Variants in SP4 observed in about 807,000 individuals in gnomAD.
The protein encoded by SP4 is Sp4 transcription factor, also known as transcription factor Sp4.
A neutral mutation model predicts 72.8 loss-of-function variants in SP4; 19 were observed. That is an observed-to-expected ratio of 0.26 (90% CI 0.18 to 0.38). The LOEUF is 0.38. SP4 is among the 10% of genes least tolerant of loss of function. The pLI is 1.00. For synonymous variants in SP4, 395 were observed against 333.1 expected, an observed-to-expected ratio of 1.19 and a Z score of -2.02; for missense variants, 1,008 against 926.3, an observed-to-expected ratio of 1.09 and a Z score of -1.14.
chr7:21,449,564 T>A (rs1029980390), intron 3 of SP4, among the ~76,000 whole-genome samples: 1 of 152,244 alleles, frequency 6.6e-6, no homozygotes, highest in Non-Finnish European at 1.5e-5. Context: ...TACATATGTT[T>A]AAGTATACGT....
intron 5 of SP4, among the ~76,000 whole-genome samples, chr7:21,487,410 GT>G (rs200086841): frequency 3.5e-3 from 440 of 124,406 alleles, no homozygotes; most frequent in African/African-American, 6.5e-3. Context: ...AATCTCTAGG[GT>G]TTTTTTTTTT....
intron 5 of SP4, among the ~76,000 whole-genome samples, chr7:21,497,003 C>G (rs1781724743): frequency 6.6e-6 from 1 of 152,246 alleles, no homozygotes; most frequent in Non-Finnish European, 1.5e-5. Flanking sequence ...TAAAGCTCTT[C>G]TGAATCTCTT....
intron 3 of SP4, among the ~76,000 whole-genome samples, chr7:21,446,823 C>T (rs201648082): frequency 6.7e-6 from 1 of 148,396 alleles, no homozygotes; most frequent in Non-Finnish European, 1.5e-5. Flanking sequence ...TTGACAAATT[C>T]TTTTTTTTTT....
In SP4 at chr7:21,477,301, A is replaced by G. The variant is rs768644174; in HGVS notation, c.1901A>G (p.Glu634Gly). The G allele has an allele frequency of 1.2e-6, 2 of 1,604,460 alleles. No individual in the cohort carries two copies. Among genetic ancestry groups the G allele is most frequent in the Admixed American group, 1.7e-5 (1 of 59,768 alleles). Reference protein sequence around the residue: ...ACSCPNCREGEGRGSNEPGKK... With the variant: ...ACSCPNCREGGGRGSNEPGKK... ...TCCTGTCCTAATTGTAGGGAAGGAG[A>G]AGGAAGGTAAATGCTGTATTTTTCA... The change falls in exon 4 of 6, where the codon GAA becomes GGA. Residue 634 changes from glutamate (E) to glycine (G), a missense_variant. Physicochemically the swap from Glu to Gly is moderately conservative, Grantham distance 98. This residue lies in a region of SP4 where 893 missense variants were observed against 743.3 expected (regional missense o/e 1.20). Coordinates refer to ENST00000222584, the MANE Select transcript of SP4 (RefSeq NM_003112.5).
chr7:21,475,004 C>CTG (rs1289082721), intron 3 of SP4, among the ~76,000 whole-genome samples: 1 of 152,118 alleles, frequency 6.6e-6, no homozygotes, highest in African/African-American at 2.4e-5. Flanking sequence ...AAAATGTGTA[C>CTG]TGTTTTCTTA....
At position 21,513,377 on chromosome 7, in the gene SP4, A is replaced by T. The variant is rs7798894; in HGVS notation, c.*2108A>T. The T allele has an allele frequency of 0.78, 118,517 of 152,542 alleles. 46,605 individuals are homozygous for T. Among genetic ancestry groups the T allele is most frequent in the African/African-American group, 0.9 (37,588 of 41,554 alleles). The allele number at this position is 152,542 out of a possible 1,614,324, so 9.4% of individuals were successfully genotyped here. On this transcript the variant is annotated 3_prime_UTR_variant, in exon 6 of 6. Transcript: ENST00000222584. ...GACTTGTAACAGAGTCTTTAAATTT[A>T]AGTTGGATTTTGTAAATTGTTTTGT...
intron 3 of SP4, among the ~76,000 whole-genome samples, chr7:21,437,551 C>G (rs896192263): frequency 1.3e-4 from 20 of 151,822 alleles, no homozygotes; most frequent in Non-Finnish European, 2.9e-5. Context: ...TTACTGAATT[C>G]AAATATGAGA....
At chr7:21,476,679 C>T (rs1000192388) in intron 3 of SP4, among the ~76,000 whole-genome samples, 1 of 152,144 alleles carries the variant, frequency 6.6e-6, no homozygotes, top group Non-Finnish European at 1.5e-5. Context: ...AGATATGTTG[C>T]TTACCGTGGA....
chr7:21,461,917 G>T (rs1321616220), intron 3 of SP4, among the ~76,000 whole-genome samples: 1 of 152,194 alleles, frequency 6.6e-6, no homozygotes. Flanking sequence ...AAGTTTGGTT[G>T]TAGAATGACG....
At chr7:21,461,701 C>T (rs998193429) in intron 3 of SP4, among the ~76,000 whole-genome samples, 4 of 152,220 alleles carry the variant, frequency 2.6e-5, no homozygotes, top group African/African-American at 4.8e-5. Context: ...CACGATGCAG[C>T]GGTGGGCTGA....
intron 4 of SP4, among the ~76,000 whole-genome samples, chr7:21,479,295 T>C (rs1232659656): frequency 1.3e-5 from 2 of 152,170 alleles, no homozygotes; most frequent in East Asian, 1.9e-4. Flanking sequence ...TTTATAGTTT[T>C]TACTCTTACA....
chr7:21,476,629 G>GT (rs1435537999), intron 3 of SP4, among the ~76,000 whole-genome samples: 1 of 152,098 alleles, frequency 6.6e-6, no homozygotes, highest in Non-Finnish European at 1.5e-5. Context: ...TTAATCCTTT[G>GT]TTTAGTGACT....
At chr7:21,436,251 T>C (rs1783047829) in intron 3 of SP4, among the ~76,000 whole-genome samples, 1 of 152,164 alleles carries the variant, frequency 6.6e-6, no homozygotes, top group Admixed American at 6.5e-5. Flanking sequence ...GAATATATAA[T>C]GAGTAATACT....
chr7:21,450,514 G>GA (rs954994112), intron 3 of SP4, among the ~76,000 whole-genome samples: 1 of 152,090 alleles, frequency 6.6e-6, no homozygotes, highest in Admixed American at 6.5e-5. Flanking sequence ...GGAAGAGGGA[G>GA]ATGAAGCCTG....
At chr7:21,462,036 T>TG (rs1343047266) in intron 3 of SP4, among the ~76,000 whole-genome samples, 1 of 148,772 alleles carries the variant, frequency 6.7e-6, no homozygotes, top group Non-Finnish European at 1.5e-5. Flanking sequence ...AGTTTTTTTT[T>TG]TTTTTTTTTG....
intron 3 of SP4, among the ~76,000 whole-genome samples, chr7:21,463,354 A>G (rs1395669649): frequency 6.6e-6 from 1 of 152,194 alleles, no homozygotes; most frequent in Admixed American, 6.5e-5. Flanking sequence ...GATGAATGAA[A>G]GGTTACCAAG....
At chr7:21,440,252 C>G (rs188405036) in intron 3 of SP4, among the ~76,000 whole-genome samples, 2 of 152,210 alleles carry the variant, frequency 1.3e-5, no homozygotes, top group East Asian at 3.9e-4. Context: ...TTAGTTCCTA[C>G]CTTCTTTACC....
At chr7:21,435,278 C>T (rs972686255) in intron 3 of SP4, among the ~76,000 whole-genome samples, 11 of 152,156 alleles carry the variant, frequency 7.2e-5, no homozygotes, top group Non-Finnish European at 1.3e-4. Context: ...GCTGACCCTT[C>T]AAGAACTTGA....
chr7:21,444,663 T>C (rs1450494227), intron 3 of SP4, among the ~76,000 whole-genome samples: 1 of 152,322 alleles, frequency 6.6e-6, no homozygotes, highest in African/African-American at 2.4e-5. Context: ...TTAAGCACTT[T>C]ATGTGTATTA....
Sources: gnomAD v4.1 joint callset for allele counts (sites outside exome capture counted in the v4.1 genomes callset) on GRCh38, gnomAD v4.1.1 for gene constraint, gnomAD v4.1.1 regional missense constraint, MANE v1.5 for transcripts, NCBI Gene and HGNC (gene_info 2026-07-23, HGNC 2026-07-21) for gene names.